PLCZ1: variants seen among roughly 807,000 people sequenced by gnomAD.
PLCZ1 encodes the protein 1-phosphatidylinositol 4,5-bisphosphate phosphodiesterase zeta-1.
In PLCZ1, 64 loss-of-function variants were observed where a neutral mutation model predicts 76.8. The observed-to-expected ratio is 0.83, with a 90% confidence interval of 0.68 to 1.03. The LOEUF is 1.03. Among genes scored for constraint, PLCZ1 ranks in the 50% least tolerant of loss-of-function variants. The pLI, the probability that PLCZ1 is intolerant of heterozygous loss-of-function variation, is 0.00. For missense variants in PLCZ1, 751 were observed against 713.7 expected, an observed-to-expected ratio of 1.05 and a Z score of -0.60; for synonymous variants, 248 against 230.8, an observed-to-expected ratio of 1.07 and a Z score of -0.68.
At chr12:18,669,037 A>G in the PLCZ1 span, among the ~76,000 whole-genome samples, 1 of 152,240 alleles carries the variant, frequency 6.6e-6, no homozygotes, top group South Asian at 2.1e-4. Context: ...TAATAATAAT[A>G]ATAGCTAATA....
chr12:18,711,663 G>C (rs950197482), intron 6 of PLCZ1, among the ~76,000 whole-genome samples: 1 of 151,866 alleles, frequency 6.6e-6, no homozygotes. Context: ...GCACATGAAA[G>C]TTGTCATTGA....
the PLCZ1 span, among the ~76,000 whole-genome samples, chr12:18,664,442 A>G: frequency 6.6e-6 from 1 of 152,194 alleles, no homozygotes; most frequent in Non-Finnish European, 1.5e-5. Flanking sequence ...CAGCATTGAA[A>G]GGGAAGGAAA....
At chr12:18,709,721 A>C (rs967506942) in intron 6 of PLCZ1, among the ~76,000 whole-genome samples, 1 of 151,790 alleles carries the variant, frequency 6.6e-6, no homozygotes, top group Non-Finnish European at 1.5e-5. Context: ...ACCCCAAGGG[A>C]AAAAAAACCC....
chr12:18,665,582 C>T, the PLCZ1 span, among the ~76,000 whole-genome samples: 5 of 152,052 alleles, frequency 3.3e-5, no homozygotes, highest in South Asian at 2.1e-4. Flanking sequence ...CACCTGAGGT[C>T]GGGAGTTGGA....
intron 3 of PLCZ1, among the ~76,000 whole-genome samples, chr12:18,733,723 T>C (rs182076963): frequency 1.3e-5 from 2 of 152,322 alleles, no homozygotes; most frequent in East Asian, 3.9e-4. Flanking sequence ...GGAGAGACTA[T>C]CCTTTCCCCA....
At chr12:18,648,564 T>C in the PLCZ1 span, 13 of 167,266 alleles carry the variant, frequency 7.8e-5, no homozygotes, top group South Asian at 2.4e-3. Context: ...ATCCTGAAAT[T>C]CTTACATTCA....
downstream of PLCZ1, among the ~76,000 whole-genome samples, chr12:18,681,597 TA>T (rs1952422511): frequency 6.6e-6 from 1 of 151,968 alleles, no homozygotes; most frequent in African/African-American, 2.4e-5. Context: ...AAATGATAAA[TA>T]ATGCAAATTT....
chr12:18,652,442 C>T, the PLCZ1 span, among the ~76,000 whole-genome samples: 1 of 152,082 alleles, frequency 6.6e-6, no homozygotes, highest in Non-Finnish European at 1.5e-5. Flanking sequence ...GAGATTCTTC[C>T]CCACAGCTCT....
At chr12:18,737,570 C>T (rs904861688) in intron 1 of PLCZ1, 61 bp from the exon 2 acceptor site, 3 of 713,956 alleles carry the variant, frequency 4.2e-6, no homozygotes, top group Admixed American at 2.0e-5. Context: ...GAAGCTAGCT[C>T]ACACTTAACC....
At chr12:18,700,914 A>G (rs188312029) in intron 9 of PLCZ1, among the ~76,000 whole-genome samples, 46 of 152,194 alleles carry the variant, frequency 3.0e-4, no homozygotes, top group African/African-American at 1.1e-3. Context: ...TACGTTGTGT[A>G]TCTCTGCATC....
the PLCZ1 span, among the ~76,000 whole-genome samples, chr12:18,664,024 T>C: frequency 1.1e-4 from 16 of 152,060 alleles, no homozygotes; most frequent in African/African-American, 3.9e-4. Context: ...TCATTGAAAA[T>C]GCAAATCAAA....
At chr12:18,657,373 G>A in the PLCZ1 span, among the ~76,000 whole-genome samples, 3 of 152,100 alleles carry the variant, frequency 2.0e-5, no homozygotes, top group African/African-American at 7.2e-5. Flanking sequence ...TACCTGAGAA[G>A]ATCCAGAGCT....
chr12:18,686,904 C>T (rs563082557), intron 13 of PLCZ1, among the ~76,000 whole-genome samples: 1 of 151,994 alleles, frequency 6.6e-6, no homozygotes, highest in African/African-American at 2.4e-5. Context: ...CCATAAAATC[C>T]AAGGAGGTAA....
In PLCZ1 at chr12:18,723,497, T is replaced by C. The variant is rs1265530907; in HGVS notation, c.181A>G (p.Arg61Gly). 4.3e-6 allele frequency: 7 copies of C among 1,612,886 alleles called. No individual in the cohort carries two copies. Among genetic ancestry groups the C allele is most frequent in the Admixed American group, 1.7e-5 (1 of 59,892 alleles). Residue 61 changes from arginine to glycine, a missense_variant, in exon 4 of 15, where the codon AGA becomes GGA. Arg to Gly is a moderately radical substitution (Grantham distance 125). Transcript: ENST00000266505. ...TGCGTGATAATTCGATAAATTGCTC[T>C]AAATTCTTCTATGGTGATTCTTCCT... ...KQGRITIEEF[R>G]AIYRIITHRE...
intron 13 of PLCZ1, among the ~76,000 whole-genome samples, chr12:18,686,426 T>C (rs1376624152): frequency 1.3e-5 from 2 of 152,118 alleles, no homozygotes; most frequent in African/African-American, 4.8e-5. Flanking sequence ...CTAATCTTTC[T>C]TAAGCACCCT....
the PLCZ1 span, among the ~76,000 whole-genome samples, chr12:18,664,847 G>A: frequency 6.6e-6 from 1 of 151,528 alleles, no homozygotes; most frequent in Non-Finnish European, 1.5e-5. Context: ...ATGAGTTCAT[G>A]TCCTTTGTAG....
At chr12:18,690,166 C>T (rs942361490) in intron 12 of PLCZ1, among the ~76,000 whole-genome samples, 1 of 152,118 alleles carries the variant, frequency 6.6e-6, no homozygotes, top group African/African-American at 2.4e-5. Flanking sequence ...TGGGCATATA[C>T]TTTGTGTAAG....
At chr12:18,709,712 C>A (rs1416566688) in intron 6 of PLCZ1, among the ~76,000 whole-genome samples, 1 of 151,878 alleles carries the variant, frequency 6.6e-6, no homozygotes, top group Non-Finnish European at 1.5e-5. Context: ...CAATACCACA[C>A]CCCAAGGGAA....
intron 12 of PLCZ1, chr12:18,693,045 GA>G: frequency 6.8e-7 from 1 of 1,467,584 alleles, no homozygotes; most frequent in Non-Finnish European, 9.5e-7. Context: ...ACCATTAGAA[GA>G]AAAGCAAGAA....
Sources: gnomAD v4.1 joint callset for allele counts (sites outside exome capture counted in the v4.1 genomes callset) on GRCh38, gnomAD v4.1.1 for gene constraint, MANE v1.5 for transcripts, NCBI Gene and HGNC (gene_info 2026-07-23, HGNC 2026-07-21) for gene names.